Variants in DENND1A observed in about 807,000 individuals in gnomAD.
DENND1A encodes DENN domain-containing protein 1A.
DENND1A carries 51 observed loss-of-function variants against 113.7 expected under a neutral mutation model. The ratio of observed to expected loss-of-function variants is 0.45; its 90% CI spans 0.36 to 0.57. DENND1A has a LOEUF of 0.57. Among genes scored for constraint, DENND1A ranks in the 20% least tolerant of loss-of-function variants. DENND1A has a pLI of 0.00. For missense variants in DENND1A, 1,258 were observed against 1,395.9 expected (o/e 0.90, Z 1.57); for synonymous variants, 565 against 570.8 (o/e 0.99, Z 0.14).
At chr9:123,442,433 G>T (rs905513752) in intron 18 of DENND1A, among the ~76,000 whole-genome samples, 3 of 152,108 alleles carry the variant, frequency 2.0e-5, no homozygotes, top group African/African-American at 7.2e-5. Context: ...ATGGGGAGGG[G>T]TTCCATCTGT....
At chr9:123,694,533 T>C (rs1161874273) in intron 5 of DENND1A, among the ~76,000 whole-genome samples, 1 of 152,236 alleles carries the variant, frequency 6.6e-6, no homozygotes, top group Non-Finnish European at 1.5e-5. Flanking sequence ...AGTAGATCTT[T>C]CTGTGCCCAT....
chr9:123,657,264 C>G (rs946666088), intron 8 of DENND1A, among the ~76,000 whole-genome samples: 1 of 152,190 alleles, frequency 6.6e-6, no homozygotes, highest in African/African-American at 2.4e-5. Context: ...GCAAAACCCC[C>G]ATCCTCCCAG....
intron 20 of DENND1A, among the ~76,000 whole-genome samples, chr9:123,406,129 A>C (rs1469276148): frequency 6.6e-6 from 1 of 152,240 alleles, no homozygotes; most frequent in Non-Finnish European, 1.5e-5. Flanking sequence ...GACACAGATG[A>C]TAGAAGCTGG....
intron 21 of DENND1A, among the ~76,000 whole-genome samples, chr9:123,392,645 G>A (rs1235129050): frequency 1.3e-5 from 2 of 152,166 alleles, no homozygotes; most frequent in African/African-American, 2.4e-5. Flanking sequence ...TCATCTCCCT[G>A]AACCTAACTT....
At chr9:123,522,912 T>C (rs2054510987) in intron 13 of DENND1A, among the ~76,000 whole-genome samples, 1 of 152,174 alleles carries the variant, frequency 6.6e-6, no homozygotes, top group African/African-American at 2.4e-5. Flanking sequence ...CTGAGCCAAG[T>C]CTTGAACAAA....
chr9:123,524,630 C>T (rs2054662812), intron 13 of DENND1A, among the ~76,000 whole-genome samples: 1 of 152,170 alleles, frequency 6.6e-6, no homozygotes, highest in African/African-American at 2.4e-5. Context: ...GCCAGTTTGA[C>T]CTCTGGTAAA....
intron 2 of DENND1A, among the ~76,000 whole-genome samples, chr9:123,846,021 A>G (rs1283217478): frequency 6.6e-6 from 1 of 152,220 alleles, no homozygotes; most frequent in Admixed American, 6.5e-5. Flanking sequence ...ATAACCTGGT[A>G]ATTTTTTAAA....
Position 123,381,289 on chromosome 9 carries a change from G to A in DENND1A, c.*143C>T. 1.3e-6 allele frequency: 1 copy of A among 742,296 alleles called. No homozygotes were observed. The highest frequency in any genetic ancestry group is 2.2e-6 in the Non-Finnish European group (1 of 457,444). 46.0% of individuals were successfully genotyped at this position (742,296 alleles called of 1,614,324 possible). ...AGACATCAGAGATGGGCAGTGTGGA[G>A]GGGAGGAGGGGGCAGCAGAGAGGGG... On this transcript the variant is annotated 3_prime_UTR_variant, in exon 24 of 24. Transcript: ENST00000394215. This position sits in a 1 kb window ranked among gnomAD's most constrained non-coding sequence, Gnocchi z 4.7.
intron 13 of DENND1A, among the ~76,000 whole-genome samples, chr9:123,466,553 T>C (rs1186467370): frequency 3.3e-5 from 5 of 152,180 alleles, no homozygotes. Flanking sequence ...TGCCTCGGCC[T>C]CCCAAAGTGC....
intron 5 of DENND1A, among the ~76,000 whole-genome samples, chr9:123,702,025 A>G (rs2065912232): frequency 6.6e-6 from 1 of 152,234 alleles, no homozygotes; most frequent in African/African-American, 2.4e-5. Context: ...CAAAATAGCT[A>G]TTTTAAAGGT....
intron 21 of DENND1A, chr9:123,401,294 C>CA (rs1023564503): frequency 5.9e-6 from 1 of 169,260 alleles, no homozygotes; most frequent in African/African-American, 2.4e-5. Flanking sequence ...GAGAAAAACA[C>CA]ATCCAAGTGC....
At chr9:123,522,357 A>G (rs1036108869) in intron 13 of DENND1A, among the ~76,000 whole-genome samples, 2 of 152,194 alleles carry the variant, frequency 1.3e-5, no homozygotes, top group African/African-American at 4.8e-5. Flanking sequence ...ACGTATCTGA[A>G]AAAGGGAATG....
At chr9:123,404,564 C>T (rs1484751485) in intron 20 of DENND1A, among the ~76,000 whole-genome samples, 2 of 150,392 alleles carry the variant, frequency 1.3e-5, no homozygotes, top group African/African-American at 2.5e-5. Flanking sequence ...TCCTGCCCAC[C>T]CTTTGAGTTT....
intron 23 of DENND1A, among the ~76,000 whole-genome samples, 194 bp from the exon 24 acceptor site, chr9:123,382,819 C>G (rs2042352135): frequency 1.3e-5 from 2 of 152,268 alleles, no homozygotes; most frequent in South Asian, 4.1e-4. Context: ...GACTCCAAGC[C>G]TGTGCTCCGG....
At chr9:123,510,632 T>C (rs755957396) in intron 13 of DENND1A, among the ~76,000 whole-genome samples, 37 of 152,106 alleles carry the variant, frequency 2.4e-4, no homozygotes, top group Admixed American at 9.2e-4. Flanking sequence ...TTAGACTCCA[T>C]ACCACAGGCC....
At chr9:123,734,863 C>T (rs1209812380) in intron 5 of DENND1A, among the ~76,000 whole-genome samples, 1 of 151,994 alleles carries the variant, frequency 6.6e-6, no homozygotes, top group Admixed American at 6.6e-5. Flanking sequence ...TTAAAAAAAG[C>T]CGTGTTAGCT....
At position 123,387,784 on chromosome 9, in the gene DENND1A, T is replaced by G; in HGVS notation, c.1706A>C (p.Glu569Ala). ...DSSDDECQREEGPSSGFTESF... is the reference protein window; with the variant it reads ...DSSDDECQREAGPSSGFTESF... ...CTCGGTGAAGCCAGAGCTCGGGCCCTCTTCCCGCTGGCATTCATCATCAGA... is the reference window on the plus strand; with the variant it reads ...CTCGGTGAAGCCAGAGCTCGGGCCCGCTTCCCGCTGGCATTCATCATCAGA... Residue 569 changes from glutamate (E) to alanine (A), a missense_variant, in exon 22 of 24, where the codon GAG becomes GCG. This residue lies in a region of DENND1A where 1,159 missense variants were observed against 1,231.7 expected (regional missense o/e 0.94). Coordinates refer to ENST00000394215, the MANE Select transcript of DENND1A (RefSeq NM_001352964.2). 1.6e-6 allele frequency: 2 copies of G among 1,289,042 alleles called. No homozygotes were observed. Among genetic ancestry groups the G allele is most frequent in the Non-Finnish European group, 2.0e-6 (2 of 988,646 alleles). 79.9% of individuals were successfully genotyped at this position (1,289,042 alleles called of 1,614,324 possible).
At chr9:123,834,345 C>G (rs1840737545) in intron 2 of DENND1A, among the ~76,000 whole-genome samples, 1 of 152,174 alleles carries the variant, frequency 6.6e-6, no homozygotes, top group Non-Finnish European at 1.5e-5. Context: ...ACTTCATCCT[C>G]ACAACAATAC....
chr9:123,626,470 T>G (rs2061222833), intron 10 of DENND1A, among the ~76,000 whole-genome samples: 1 of 151,950 alleles, frequency 6.6e-6, no homozygotes, highest in Non-Finnish European at 1.5e-5. Flanking sequence ...TTTCTCACTC[T>G]CTCTCTCCCT....
Sources: allele counts gnomAD v4.1 joint callset (sites outside exome capture counted in the v4.1 genomes callset), GRCh38; gene constraint gnomAD v4.1.1; regional missense constraint gnomAD v4.1.1; non-coding constraint Gnocchi (gnomAD v3.1); transcripts MANE v1.5; gene names NCBI Gene and HGNC (gene_info 2026-07-23, HGNC 2026-07-21).